PPP2R2B: variants seen among roughly 807,000 people sequenced by gnomAD.
The protein encoded by PPP2R2B is serine/threonine-protein phosphatase 2A 55 kDa regulatory subunit B beta isoform.
In PPP2R2B, 5 loss-of-function variants were observed where a neutral mutation model predicts 46.0. The observed-to-expected ratio is 0.11, with a 90% CI of 0.06 to 0.23. The LOEUF (loss-of-function observed/expected upper bound fraction) is 0.23. Ranked by LOEUF, PPP2R2B falls within the 10% of genes least tolerant of loss-of-function variation. The pLI, the probability that PPP2R2B is intolerant of heterozygous loss-of-function variation, is 1.00. For missense variants in PPP2R2B, 367 were observed against 575.0 expected (o/e 0.64, Z 3.70); for synonymous variants, 215 against 206.7 (o/e 1.04, Z -0.34).
intron 2 of PPP2R2B, among the ~76,000 whole-genome samples, chr5:146,749,057 T>C (rs952173258): frequency 1.3e-5 from 2 of 152,250 alleles, no homozygotes; most frequent in African/African-American, 4.8e-5. Flanking sequence ...TGATGGACTT[T>C]CTCTGCATTC....
At chr5:146,734,056 G>GTT (rs201448902) in intron 2 of PPP2R2B, among the ~76,000 whole-genome samples, 24 of 142,576 alleles carry the variant, frequency 1.7e-4, no homozygotes, top group Non-Finnish European at 3.3e-4. Context: ...AATGAGTTAG[G>GTT]TTTTTTTTTT....
chr5:146,625,560 T>C (rs1401053812), intron 7 of PPP2R2B, among the ~76,000 whole-genome samples: 3 of 151,992 alleles, frequency 2.0e-5, no homozygotes, highest in East Asian at 3.9e-4. Context: ...GAGACCAAAA[T>C]AGAAAGAGGT....
chr5:146,636,645 T>C (rs1774842669), intron 7 of PPP2R2B, among the ~76,000 whole-genome samples: 1 of 152,184 alleles, frequency 6.6e-6, no homozygotes, highest in Admixed American at 6.5e-5. Flanking sequence ...GTGGAACAGC[T>C]TAAGAAGGAC....
chr5:147,020,585 C>T (rs1363553898), intron 1 of PPP2R2B, among the ~76,000 whole-genome samples: 2 of 151,942 alleles, frequency 1.3e-5, no homozygotes, highest in Non-Finnish European at 2.9e-5. Context: ...AGAAAGAAAA[C>T]AAAAAGTGAA....
intron 2 of PPP2R2B, among the ~76,000 whole-genome samples, chr5:146,715,408 G>T (rs961573838): frequency 6.6e-6 from 1 of 152,132 alleles, no homozygotes; most frequent in African/African-American, 2.4e-5. Context: ...GTTTAGAAAA[G>T]CATAGTTTTT....
chr5:147,034,553 A>G (rs769517374), intron 1 of PPP2R2B, among the ~76,000 whole-genome samples: 5 of 152,158 alleles, frequency 3.3e-5, no homozygotes, highest in African/African-American at 4.8e-5. Context: ...GAATGAGTCC[A>G]TGTTTATTTT....
rs560434530 is a variant in PPP2R2B, at chr5:146,594,559, C to T, written c.961-1497G>A. Among the ~76,000 whole-genome samples, 3 of 152,336 alleles carry T rather than the reference C, an allele frequency of 2.0e-5. No homozygotes were observed. In the South Asian group the frequency reaches 6.2e-4, roughly 32 times the overall value. On this transcript the variant is annotated intron_variant, in intron 8 of 9. Coordinates refer to ENST00000394411, the MANE Select transcript of PPP2R2B (RefSeq NM_181675.4). Reference sequence around the variant, plus strand: ...TAGCCAGGTGCTTTATCTGTCAAAACCTCATTTCATCTCTAAAGCCATCTT... The same window carrying T: ...TAGCCAGGTGCTTTATCTGTCAAAATCTCATTTCATCTCTAAAGCCATCTT...
intron 2 of PPP2R2B, among the ~76,000 whole-genome samples, chr5:146,757,357 C>T (rs1197194335): frequency 1.3e-5 from 2 of 152,086 alleles, no homozygotes; most frequent in African/African-American, 4.8e-5. Flanking sequence ...ATTGCATACA[C>T]ATATTTAAAG....
chr5:146,830,176 G>A (rs1265261685), intron 2 of PPP2R2B, among the ~76,000 whole-genome samples: 1 of 152,076 alleles, frequency 6.6e-6, no homozygotes, highest in Non-Finnish European at 1.5e-5. Flanking sequence ...AGACATCTGG[G>A]TTTGACTTCT....
intron 1 of PPP2R2B, among the ~76,000 whole-genome samples, chr5:146,992,791 C>T (rs186810804): frequency 2.2e-3 from 333 of 152,324 alleles, no homozygotes; most frequent in Non-Finnish European, 3.6e-3. Flanking sequence ...ATTACAGACT[C>T]TTATAGGTGA....
At chr5:146,608,415 T>G (rs1772513887) in intron 7 of PPP2R2B, among the ~76,000 whole-genome samples, 1 of 152,224 alleles carries the variant, frequency 6.6e-6, no homozygotes, top group Admixed American at 6.5e-5. Context: ...TTTCCTTATC[T>G]TGTTAAGACG....
At chr5:146,927,902 TGGCTAATTTTTGTATTTTTAGTAGAGAC>T (rs1763834922) in intron 1 of PPP2R2B, among the ~76,000 whole-genome samples, 3 of 151,904 alleles carry the variant, frequency 2.0e-5, no homozygotes, top group Admixed American at 6.6e-5. Context: ...CCACCATGCC[TGGCTAATTTTTGTATTTTTAGTAGAGAC>T]GGGGTTTCAC....
intron 2 of PPP2R2B, among the ~76,000 whole-genome samples, chr5:146,782,434 A>G (rs1158400833): frequency 6.6e-6 from 1 of 152,178 alleles, no homozygotes; most frequent in African/African-American, 2.4e-5. Flanking sequence ...CCCCTAAAGC[A>G]TCTGTTCCTG....
At chr5:146,968,318 A>G (rs1032035737) in intron 1 of PPP2R2B, among the ~76,000 whole-genome samples, 10 of 152,158 alleles carry the variant, frequency 6.6e-5, no homozygotes, top group African/African-American at 2.4e-4. Context: ...ATATTTATGT[A>G]CTTGTAAATT....
At chr5:146,887,044 T>G (rs939754428) in intron 1 of PPP2R2B, among the ~76,000 whole-genome samples, 7 of 152,038 alleles carry the variant, frequency 4.6e-5, no homozygotes, top group Non-Finnish European at 7.4e-5. Context: ...AATTTTCTAA[T>G]TTCCACATTA....
chr5:146,976,125 T>TGTTATA (rs1752894302), intron 1 of PPP2R2B, among the ~76,000 whole-genome samples: 1 of 147,016 alleles, frequency 6.8e-6, no homozygotes, highest in Admixed American at 6.8e-5. Context: ...TTATTATTAT[T>TGTTATA]ATTATTATTA....
chr5:146,781,408 T>G (rs161032), intron 2 of PPP2R2B, among the ~76,000 whole-genome samples: 6 of 150,820 alleles, frequency 4.0e-5, no homozygotes, highest in African/African-American at 1.2e-4. Context: ...AATATTCCAT[T>G]TGCCTGTCTG....
chr5:146,796,200 A>G (rs1013307386), intron 2 of PPP2R2B, among the ~76,000 whole-genome samples: 1 of 152,192 alleles, frequency 6.6e-6, no homozygotes, highest in African/African-American at 2.4e-5. Flanking sequence ...GTTCTTATCC[A>G]ATTGGGCAAT....
Position 146,920,174 on chromosome 5 carries a change from G to A in PPP2R2B, c.79+135491C>T, listed in dbSNP as rs149841534. On this transcript the variant is annotated intron_variant, in intron 1 of 8. Transcript: ENST00000336640. ...AGGAATTATTTGGGTTTCTGAAAAG[G>A]TGGCTGGGCAGAAAAGATGAACAAT... 2.0e-5 allele frequency among the ~76,000 whole-genome samples: 3 copies of A among 152,262 alleles called. No homozygotes were observed. The East Asian group carries it at 5.8e-4, about 29-fold the overall frequency.
Sources: gnomAD v4.1 joint callset for allele counts (sites outside exome capture counted in the v4.1 genomes callset) on GRCh38, gnomAD v4.1.1 for gene constraint, MANE v1.5 for transcripts, NCBI Gene and HGNC (gene_info 2026-07-23, HGNC 2026-07-21) for gene names.